EPS8: variants seen among roughly 807,000 people sequenced by gnomAD.
EPS8 encodes the protein epidermal growth factor receptor kinase substrate 8.
In EPS8, 42 loss-of-function variants were observed where a neutral mutation model predicts 103.8. The observed-to-expected ratio is 0.40, with a 90% CI of 0.32 to 0.52. EPS8 has a LOEUF of 0.52. Among genes scored for constraint, EPS8 ranks in the 20% least tolerant of loss-of-function variants. The probability of loss-of-function intolerance (pLI) is 0.40; values close to 1 mark genes in which losing one functional copy is unlikely to be tolerated. For missense variants in EPS8, 969 were observed against 1,005.1 expected, an observed-to-expected ratio of 0.96 and a Z score of 0.49; for synonymous variants, 344 against 344.6, an observed-to-expected ratio of 1.00 and a Z score of 0.02.
At chr12:15,677,173 T>C (rs1344813094) in intron 3 of EPS8, among the ~76,000 whole-genome samples, 1 of 152,204 alleles carries the variant, frequency 6.6e-6, no homozygotes, top group African/African-American at 2.4e-5. Context: ...AAAGTGACTC[T>C]CCAGTACCAC....
At chr12:15,705,744 T>C (rs1180528411) in intron 1 of EPS8, among the ~76,000 whole-genome samples, 1 of 152,198 alleles carries the variant, frequency 6.6e-6, no homozygotes, top group Admixed American at 6.5e-5. Context: ...GAATACCCTC[T>C]TGGAAATGAG....
chr12:15,647,026 G>T, intron 15 of EPS8, 101 bp downstream of exon 15: 2 of 1,141,796 alleles, frequency 1.8e-6, no homozygotes, highest in Non-Finnish European at 1.2e-6. Context: ...CAGATGGAAA[G>T]TTTAAAGAAG....
chr12:15,654,373 C>T (rs1432319105), intron 12 of EPS8, 80 bp from the exon 13 acceptor site: 2 of 1,231,544 alleles, frequency 1.6e-6, no homozygotes, highest in Non-Finnish European at 2.3e-6. Context: ...AAACCCATGG[C>T]AAAAACAAGC....
Position 15,696,450 on chromosome 12 carries a change from G to T in EPS8, c.-21-13478C>A, listed in dbSNP as rs1185072896. ...AGGTCAGGAGTTCAAGACCAGCCTG[G>T]CCAGCATCGTGAAACCCCATTTTTA... On this transcript the variant is annotated intron_variant, in intron 1 of 20. Coordinates refer to ENST00000281172, the MANE Select transcript of EPS8 (RefSeq NM_004447.6). The surrounding 1 kb of genome is among the most constrained non-coding windows in gnomAD (Gnocchi z 4.8). Among the ~76,000 whole-genome samples the T allele has an allele frequency of 6.6e-6, 1 of 152,040 alleles. No homozygotes were observed. The highest frequency in any genetic ancestry group is 1.5e-5 in the Non-Finnish European group (1 of 68,002).
chr12:15,623,269 T>A lies in EPS8; in HGVS notation c.2244A>T (p.Gly748=). ...AGAAAAGTTGTGCACCATTTAATACTCCAAGACTATTGACAGTCCTAAAAA... is the reference window on the plus strand; with the variant it reads ...AGAAAAGTTGTGCACCATTTAATACACCAAGACTATTGACAGTCCTAAAAA... The part of the protein sequence containing the change: ...GFNPVTVNSL[G]VLNGAQLFSL... The change falls in exon 20 of 21, where the codon GGA becomes GGT. Residue 748 remains glycine, a synonymous_variant. Transcript: ENST00000281172. The A allele has an allele frequency of 6.3e-7, 1 of 1,598,958 alleles. No individual in the cohort carries two copies.
intron 13 of EPS8, among the ~76,000 whole-genome samples, chr12:15,651,259 C>T (rs552861978): frequency 6.6e-6 from 1 of 152,146 alleles, no homozygotes; most frequent in East Asian, 1.9e-4. Flanking sequence ...CCAACATTGC[C>T]TCATTTCTCC....
At chr12:15,659,204 G>A (rs1308375172) in intron 10 of EPS8, among the ~76,000 whole-genome samples, 2 of 152,132 alleles carry the variant, frequency 1.3e-5, no homozygotes, top group Non-Finnish European at 2.9e-5. Context: ...TTGATTTCCA[G>A]GGCGAACAGT....
At chr12:15,756,398 A>C (rs1396933479) in intron 1 of EPS8, among the ~76,000 whole-genome samples, 1 of 152,244 alleles carries the variant, frequency 6.6e-6, no homozygotes, top group Non-Finnish European at 1.5e-5. Context: ...CAAACCAAAA[A>C]CAAATGAAAA....
chr12:15,663,976 T>TATATATATACAC (rs35142421), intron 8 of EPS8, among the ~76,000 whole-genome samples: 3 of 104,464 alleles, frequency 2.9e-5, no homozygotes, highest in Admixed American at 1.3e-4. Context: ...TATATATATA[T>TATATATATACAC]ACACACACAC....
intron 14 of EPS8, 121 bp downstream of exon 14, chr12:15,650,702 T>G (rs375405713): frequency 1.2e-6 from 1 of 830,656 alleles, no homozygotes; most frequent in South Asian, 1.8e-5. Context: ...CAGGGTAACA[T>G]TCAGACTTTG....
At chr12:15,648,840 G>C (rs1459827538) in intron 14 of EPS8, among the ~76,000 whole-genome samples, 1 of 152,194 alleles carries the variant, frequency 6.6e-6, no homozygotes, top group Non-Finnish European at 1.5e-5. Flanking sequence ...AGGAAGCTGA[G>C]TACTGCCACC....
rs11056611 is a variant in EPS8, at chr12:15,734,542, G to A, written c.-21-51570C>T. 0.012 allele frequency among the ~76,000 whole-genome samples: 1,852 copies of A among 151,890 alleles called. 28 individuals carry two copies. Among genetic ancestry groups the A allele is most frequent in the African/African-American group, 0.037 (1,530 of 41,440 alleles). On this transcript the variant is annotated intron_variant, in intron 1 of 20. Transcript: ENST00000281172. The surrounding 1 kb of genome is among the most constrained non-coding windows in gnomAD (Gnocchi z 4.1). ...ACCCCGTCTCTACTAAAAATACAAAGAATTAGCCGGGCATGGTGGTGGGCG... is the reference window on the plus strand; with the variant it reads ...ACCCCGTCTCTACTAAAAATACAAAAAATTAGCCGGGCATGGTGGTGGGCG...
chr12:15,643,602 G>T (rs182140478), intron 15 of EPS8, among the ~76,000 whole-genome samples: 1 of 152,036 alleles, frequency 6.6e-6, no homozygotes, highest in Non-Finnish European at 1.5e-5. Flanking sequence ...AGCTGGGCAC[G>T]GTGGCACATG....
At chr12:15,715,394 CT>C (rs3086457) in intron 1 of EPS8, among the ~76,000 whole-genome samples, 1,372 of 127,116 alleles carry the variant, frequency 0.011, 75 homozygotes, top group African/African-American at 0.039. Context: ...CTTTACTTTT[CT>C]TTTTTTTTTT....
Position 15,621,187 on chromosome 12 carries a change from G to A in EPS8, c.*130C>T. On this transcript the variant is annotated 3_prime_UTR_variant, in exon 21 of 21. Coordinates refer to ENST00000281172, the MANE Select transcript of EPS8 (RefSeq NM_004447.6). ...GCAAATCCTGTGCTCACTCAGGTTT[G>A]CATGGGTTTTTTTTTATGGTGATAA... 2.6e-6 allele frequency: 1 copy of A among 388,914 alleles called. No individual in the cohort carries two copies. Among genetic ancestry groups the A allele is most frequent in the African/African-American group, 7.9e-5 (1 of 12,642 alleles). 24.1% of individuals were successfully genotyped at this position (388,914 alleles called of 1,614,324 possible). A position where few individuals can be genotyped will look rare whatever the true frequency, so the allele number is the denominator to read the frequency against.
chr12:15,700,038 G>A lies in EPS8; in HGVS notation c.-21-17066C>T, dbSNP rs771742848. 4.6e-5 allele frequency among the ~76,000 whole-genome samples: 7 copies of A among 152,090 alleles called. No homozygotes were observed. The highest frequency in any genetic ancestry group is 8.8e-5 in the Non-Finnish European group (6 of 68,010). The stretch of plus-strand genomic sequence containing the variant: ...ACGTGGTGCTACACAACGTGTAGTC[G>A]TAGCTACTCTGGAGGCTGAGGCACA... On this transcript the variant is annotated intron_variant, in intron 1 of 20. Coordinates refer to ENST00000281172, the MANE Select transcript of EPS8 (RefSeq NM_004447.6). The surrounding 1 kb of genome is among the most constrained non-coding windows in gnomAD (Gnocchi z 5.1).
chr12:15,708,948 C>G (rs555105629), intron 1 of EPS8, among the ~76,000 whole-genome samples: 1 of 152,322 alleles, frequency 6.6e-6, no homozygotes, highest in Non-Finnish European at 1.5e-5. Context: ...TTAGCTGCAG[C>G]CTTAATTGTT....
intron 8 of EPS8, 79 bp downstream of exon 8, chr12:15,665,677 A>G: frequency 6.6e-7 from 1 of 1,511,126 alleles, no homozygotes; most frequent in Middle Eastern, 1.7e-4. Flanking sequence ...TTCTGAAATC[A>G]GCATCAGAAT....
chr12:15,677,993 A>G (rs933697263), intron 3 of EPS8, among the ~76,000 whole-genome samples: 1 of 152,158 alleles, frequency 6.6e-6, no homozygotes, highest in Non-Finnish European at 1.5e-5. Context: ...TTTACACCAA[A>G]TCATTCAGAT....
Sources: allele counts gnomAD v4.1 joint callset (sites outside exome capture counted in the v4.1 genomes callset), GRCh38; gene constraint gnomAD v4.1.1; non-coding constraint Gnocchi (gnomAD v3.1); transcripts MANE v1.5; gene names NCBI Gene and HGNC (gene_info 2026-07-23, HGNC 2026-07-21).